The following SLC36A1 variants were observed in gnomAD, a reference collection of about 807,000 sequenced individuals.
The protein encoded by SLC36A1 is solute carrier family 36 member 1.
A neutral mutation model predicts 47.5 loss-of-function variants in SLC36A1; 30 were observed. The ratio of observed to expected loss-of-function variants is 0.63; its 90% CI spans 0.47 to 0.86. The LOEUF is 0.86. SLC36A1 is among the 40% of genes least tolerant of loss of function. The pLI is 0.00. For missense variants in SLC36A1, 517 were observed against 606.0 expected (o/e 0.85, Z 1.54); for synonymous variants, 255 against 249.7 (o/e 1.02, Z -0.20).
the SLC36A1 span, chr5:151,553,225 C>A: frequency 1.9e-6 from 3 of 1,614,250 alleles, no homozygotes; most frequent in Non-Finnish European, 8.5e-7. Flanking sequence ...ACGCTGATGA[C>A]CCCCACCATG....
the SLC36A1 span, among the ~76,000 whole-genome samples, chr5:151,517,000 C>T: frequency 3.3e-5 from 5 of 151,670 alleles, no homozygotes; most frequent in Admixed American, 6.6e-5. Flanking sequence ...CCCAACTACT[C>T]GGGAAGCTGA....
chr5:151,358,906 G>A, the SLC36A1 span, among the ~76,000 whole-genome samples: 62 of 148,184 alleles, frequency 4.2e-4, no homozygotes, highest in African/African-American at 1.5e-3. Context: ...CCCGGGAAGC[G>A]GAGCTTGCAG....
At chr5:151,477,193 C>T (rs892731078) in intron 9 of SLC36A1, among the ~76,000 whole-genome samples, 1 of 152,118 alleles carries the variant, frequency 6.6e-6, no homozygotes, top group Non-Finnish European at 1.5e-5. Context: ...CCTTTTGTAC[C>T]TCCCTTGCAT....
upstream of SLC36A1, among the ~76,000 whole-genome samples, chr5:151,444,195 C>T (rs1403910106): frequency 6.6e-6 from 1 of 152,110 alleles, no homozygotes; most frequent in African/African-American, 2.4e-5. Flanking sequence ...TCTTATATCT[C>T]AGTAAAGAAT....
intron 7 of SLC36A1, among the ~76,000 whole-genome samples, chr5:151,470,269 C>A (rs940042654): frequency 1.3e-5 from 2 of 152,188 alleles, no homozygotes; most frequent in Non-Finnish European, 2.9e-5. Flanking sequence ...AGGCCACCCC[C>A]ATAGACAGAC....
chr5:151,465,888 T>C (rs1421456103), intron 5 of SLC36A1, among the ~76,000 whole-genome samples: 1 of 151,964 alleles, frequency 6.6e-6, no homozygotes. Flanking sequence ...GGAAATATTA[T>C]GTTTGTTTTC....
At chr5:151,543,643 A>T in the SLC36A1 span, 14 of 1,614,192 alleles carry the variant, frequency 8.7e-6, no homozygotes, top group Non-Finnish European at 1.2e-5. Context: ...GGTTCCAACC[A>T]TTGCATTCTC....
chr5:151,507,677 A>C, the SLC36A1 span: 1 of 1,415,902 alleles, frequency 7.1e-7, no homozygotes, highest in Non-Finnish European at 9.5e-7. Context: ...CCTCTTACAG[A>C]GATCTATGGG....
chr5:151,467,161 T>C, intron 5 of SLC36A1, 38 bp from the exon 6 acceptor site: 1 of 1,478,014 alleles, frequency 6.8e-7, no homozygotes, highest in Non-Finnish European at 9.3e-7. Flanking sequence ...GCATTTGTAT[T>C]GTAACAGTCT....
the SLC36A1 span, among the ~76,000 whole-genome samples, chr5:151,517,107 CAAA>C: frequency 1.1e-5 from 1 of 90,986 alleles, no homozygotes. Context: ...GACTCCATCT[CAAA>C]AAAAAAAAAA....
chr5:151,409,346 C>G, the SLC36A1 span, among the ~76,000 whole-genome samples: 3 of 152,054 alleles, frequency 2.0e-5, no homozygotes, highest in African/African-American at 4.8e-5. Flanking sequence ...GGCAGGAGGG[C>G]CCTCAGGAGG....
the SLC36A1 span, among the ~76,000 whole-genome samples, chr5:151,402,028 A>C: frequency 6.6e-6 from 1 of 152,118 alleles, no homozygotes; most frequent in Non-Finnish European, 1.5e-5. Context: ...TACTATGTTA[A>C]ATAGGAGTGG....
chr5:151,529,321 G>C, the SLC36A1 span: 1 of 1,613,972 alleles, frequency 6.2e-7, no homozygotes, highest in Non-Finnish European at 8.5e-7. Flanking sequence ...GAGCTCTTCC[G>C]GCTGCACTCA....
At chr5:151,528,235 G>T in the SLC36A1 span, 2,671 of 1,408,764 alleles carry the variant, frequency 1.9e-3, 10 homozygotes, top group South Asian at 6.1e-3. Context: ...CTGCCTTTGG[G>T]CTAGCAGTGC....
the SLC36A1 span, among the ~76,000 whole-genome samples, chr5:151,413,145 A>G: frequency 1.8e-4 from 27 of 152,014 alleles, no homozygotes; most frequent in East Asian, 4.7e-3. Context: ...TAGATATTCA[A>G]TATGTATTTG....
chr5:151,391,243 C>T, the SLC36A1 span, among the ~76,000 whole-genome samples: 1 of 152,162 alleles, frequency 6.6e-6, no homozygotes, highest in Non-Finnish European at 1.5e-5. Context: ...CTGATTTTTG[C>T]ACATTGATTT....
the SLC36A1 span, among the ~76,000 whole-genome samples, chr5:151,421,124 C>T: frequency 9.9e-5 from 15 of 150,814 alleles, no homozygotes; most frequent in Non-Finnish European, 1.5e-4. Flanking sequence ...CCACCCGCCT[C>T]GGCCTCCCAA....
At chr5:151,470,959 A>G (rs1196990342) in intron 7 of SLC36A1, 1 of 152,220 alleles carries the variant, frequency 6.6e-6, no homozygotes, top group Non-Finnish European at 1.5e-5. Flanking sequence ...TTATCACTGC[A>G]TATCGTTGCT....
In SLC36A1 at chr5:151,489,126, G is replaced by A. The variant is rs1008911539; in HGVS notation, c.*872G>A. The A allele has an allele frequency of 2.6e-5, 4 of 152,126 alleles. No homozygotes were observed. The highest frequency in any genetic ancestry group is 5.9e-5 in the Non-Finnish European group (4 of 68,036). 9.4% of individuals were successfully genotyped at this position (152,126 alleles called of 1,614,324 possible). On this transcript the variant is annotated 3_prime_UTR_variant, in exon 11 of 11. Transcript: ENST00000243389. This position sits in a 1 kb window ranked among gnomAD's most constrained non-coding sequence, Gnocchi z 4.5. Reference sequence around the variant, plus strand: ...CTGAGGACTCAAAGGTTTTAATCAGGATCGTCTAAAAATGTACCTCGGTGA... The same window carrying A: ...CTGAGGACTCAAAGGTTTTAATCAGAATCGTCTAAAAATGTACCTCGGTGA...
Sources: gnomAD v4.1 joint callset for allele counts (sites outside exome capture counted in the v4.1 genomes callset) on GRCh38, gnomAD v4.1.1 for gene constraint, Gnocchi (gnomAD v3.1) non-coding constraint, MANE v1.5 for transcripts, NCBI Gene and HGNC (gene_info 2026-07-23, HGNC 2026-07-21) for gene names.